Variants in COL6A5 observed in about 807,000 individuals in gnomAD.
COL6A5 encodes the protein collagen type VI alpha 5 chain.
In COL6A5, 48 loss-of-function variants were observed where a neutral mutation model predicts 65.6. The observed-to-expected ratio is 0.73, with a 90% CI of 0.58 to 0.93. COL6A5 has a LOEUF of 0.93. Among genes scored for constraint, COL6A5 ranks in the 40% least tolerant of loss-of-function variants. The pLI is 0.00. For missense variants in COL6A5, 914 were observed against 928.3 expected (o/e 0.98, Z 0.20); for synonymous variants, 291 against 322.8 (o/e 0.90, Z 1.05).
chr3:130,420,294 T>G (rs2107683563), intron 25 of COL6A5, among the ~76,000 whole-genome samples: 1 of 152,202 alleles, frequency 6.6e-6, no homozygotes, highest in Middle Eastern at 3.4e-3. Context: ...TCCTGGAAAT[T>G]TTTTAAAAAT....
At chr3:130,477,846 T>G (rs1006535984) in intron 7 of COL6A5, among the ~76,000 whole-genome samples, 6 of 151,976 alleles carry the variant, frequency 3.9e-5, no homozygotes, top group Non-Finnish European at 8.8e-5. Flanking sequence ...TAGATATGGG[T>G]TTTTCTGCAG....
At chr3:130,367,820 C>G (rs1156654352) in intron 1 of COL6A5, among the ~76,000 whole-genome samples, 1 of 152,148 alleles carries the variant, frequency 6.6e-6, no homozygotes, top group African/African-American at 2.4e-5. Flanking sequence ...AATCATGAGT[C>G]GGATTTGGTC....
exon 3 of COL6A5, chr3:130,440,661 G>T: frequency 6.2e-7 from 1 of 1,613,516 alleles, no homozygotes; most frequent in Non-Finnish European, 8.5e-7. Context: ...AAGTGTCAAG[G>T]CTACGTCATA....
At chr3:130,457,292 A>G (rs114259393) in intron 5 of COL6A5, among the ~76,000 whole-genome samples, 2,306 of 152,188 alleles carry the variant, frequency 0.015, 57 homozygotes, top group African/African-American at 0.053. Context: ...GCTTTGTTAG[A>G]GCTAAGCATT....
intron 5 of COL6A5, among the ~76,000 whole-genome samples, chr3:130,461,218 A>G (rs1372746304): frequency 1.3e-5 from 2 of 152,038 alleles, no homozygotes; most frequent in Admixed American, 1.3e-4. Context: ...AAAAATGACT[A>G]CTACAATTCA....
intron 1 of COL6A5, among the ~76,000 whole-genome samples, chr3:130,346,253 C>T (rs1461621245): frequency 6.6e-6 from 1 of 152,116 alleles, no homozygotes; most frequent in Non-Finnish European, 1.5e-5. Context: ...ATGCAAATTC[C>T]TGGACCCCAC....
In COL6A5 at chr3:130,413,700, A is replaced by G. The variant is rs150383580; in HGVS notation, c.4698+120A>G. The stretch of plus-strand genomic sequence containing the variant: ...TACAAGGGTATAGGAAGTGCCCAGT[A>G]CTGGACGTGATCCCCACTGACCCAA... On this transcript the variant is annotated intron_variant and NMD_transcript_variant, in intron 21 of 41. Transcript: ENST00000312481. The G allele has an allele frequency of 2.5e-5, 25 of 1,012,720 alleles. No individual in the cohort carries two copies. In the East Asian group the frequency reaches 4.4e-4, roughly 18 times the overall value. The allele number at this position is 1,012,720 out of a possible 1,614,324, so 62.7% of individuals were successfully genotyped here.
upstream of COL6A5, chr3:130,426,513 C>A: frequency 9.1e-7 from 1 of 1,093,036 alleles, no homozygotes; most frequent in Non-Finnish European, 1.4e-6. Context: ...TGGTGGGAAG[C>A]CTCTGTAACA....
chr3:130,393,899 A>C (rs1936495760), intron 7 of COL6A5, among the ~76,000 whole-genome samples: 1 of 152,190 alleles, frequency 6.6e-6, no homozygotes, highest in South Asian at 2.1e-4. Flanking sequence ...GAAAGTGCTG[A>C]CAGCTAGAAG....
intron 29 of COL6A5, 137 bp from the exon 30 acceptor site, chr3:130,426,077 G>A: frequency 5.2e-6 from 4 of 775,298 alleles, no homozygotes; most frequent in Middle Eastern, 3.7e-4. Context: ...AATCCACTGG[G>A]TTCAGGAATA....
At chr3:130,469,597 G>A in intron 6 of COL6A5, 116 bp downstream of exon 38, 2 of 825,754 alleles carry the variant, frequency 2.4e-6, no homozygotes, top group Non-Finnish European at 3.7e-6. Context: ...TAGAGTATAA[G>A]TGAGTAGGAG....
intron 1 of COL6A5, among the ~76,000 whole-genome samples, chr3:130,435,624 G>C (rs1282247483): frequency 6.6e-6 from 1 of 152,126 alleles, no homozygotes; most frequent in East Asian, 1.9e-4. Context: ...GCAGTGGTTT[G>C]TAGTTCTCCT....
At chr3:130,352,614 A>C (rs776774866) in intron 1 of COL6A5, among the ~76,000 whole-genome samples, 19 of 152,312 alleles carry the variant, frequency 1.2e-4, no homozygotes, top group South Asian at 1.2e-3. Flanking sequence ...AATGATAAAC[A>C]GTTGCTCAAG....
chr3:130,441,528 C>A (rs1431843684), intron 3 of COL6A5, among the ~76,000 whole-genome samples: 2 of 152,152 alleles, frequency 1.3e-5, no homozygotes. Context: ...AGTTGCATGA[C>A]CAGTGGACTC....
At chr3:130,442,491 A>G (rs1240477582) in intron 3 of COL6A5, among the ~76,000 whole-genome samples, 1 of 152,206 alleles carries the variant, frequency 6.6e-6, no homozygotes. Flanking sequence ...CTTTGCAATC[A>G]TGTAGAAGTA....
intron 8 of COL6A5, among the ~76,000 whole-genome samples, chr3:130,396,571 A>G (rs946258929): frequency 1.6e-4 from 24 of 152,242 alleles, no homozygotes; most frequent in African/African-American, 5.8e-4. Flanking sequence ...GAGTTGCTAA[A>G]TTAGTTGACA....
upstream of COL6A5, among the ~76,000 whole-genome samples, chr3:130,431,036 T>G (rs1330276018): frequency 2.6e-5 from 4 of 152,188 alleles, no homozygotes; most frequent in African/African-American, 9.7e-5. Flanking sequence ...TTTCAAGATC[T>G]CCAATAAGCT....
chr3:130,413,425 A>G (rs1559888713), intron 20 of COL6A5, 120 bp from the exon 21 acceptor site: 13 of 910,858 alleles, frequency 1.4e-5, no homozygotes, highest in Non-Finnish European at 2.1e-5. Context: ...GCCTCAGGGA[A>G]ACTGTTTCTG....
chr3:130,376,552 G>C (rs1935780832), exon 3 of COL6A5: 2 of 1,605,202 alleles, frequency 1.2e-6, no homozygotes, highest in Non-Finnish European at 1.7e-6. Flanking sequence ...CCCATAAATG[G>C]GAGAGACAGG....
Sources: gnomAD v4.1 joint callset for allele counts (sites outside exome capture counted in the v4.1 genomes callset) on GRCh38, gnomAD v4.1.1 for gene constraint, MANE v1.5 for transcripts, NCBI Gene and HGNC (gene_info 2026-07-23, HGNC 2026-07-21) for gene names.